The following LHFPL3 variants were observed in gnomAD, a reference collection of about 807,000 sequenced individuals.
LHFPL3 encodes the protein LHFPL tetraspan subfamily member 3, also known as LHFPL tetraspan subfamily member 3 protein.
A neutral mutation model predicts 19.3 loss-of-function variants in LHFPL3; 5 were observed. The observed-to-expected ratio is 0.26, with a 90% confidence interval of 0.14 to 0.54. The LOEUF is 0.54. Among genes scored for constraint, LHFPL3 ranks in the 20% least tolerant of loss-of-function variants. The probability of loss-of-function intolerance (pLI) is 0.94; values close to 1 mark genes in which losing one functional copy is unlikely to be tolerated. For synonymous variants in LHFPL3, 133 were observed against 126.2 expected (o/e 1.05, Z -0.36); for missense variants, 249 against 307.4 (o/e 0.81, Z 1.42).
chr7:104,343,666 C>T (rs1307450972), intron 1 of LHFPL3, among the ~76,000 whole-genome samples: 5 of 151,478 alleles, frequency 3.3e-5, no homozygotes, highest in South Asian at 2.1e-4. Flanking sequence ...CAAAATGAAC[C>T]ATTGTCACTT....
chr7:104,753,838 T>C (rs1196365605), intron 2 of LHFPL3, among the ~76,000 whole-genome samples: 2 of 152,096 alleles, frequency 1.3e-5, no homozygotes, highest in Non-Finnish European at 2.9e-5. Flanking sequence ...GTTAAAACAG[T>C]GAGTTATCGG....
At chr7:104,507,181 G>A (rs1158097922) in intron 1 of LHFPL3, among the ~76,000 whole-genome samples, 2 of 151,922 alleles carry the variant, frequency 1.3e-5, no homozygotes, top group African/African-American at 4.8e-5. Context: ...CAAAGCTGGA[G>A]GCATCACACT....
At chr7:104,634,204 T>C (rs983264198) in intron 1 of LHFPL3, among the ~76,000 whole-genome samples, 9 of 152,182 alleles carry the variant, frequency 5.9e-5, no homozygotes, top group African/African-American at 1.9e-4. Context: ...CAGGCTGCCA[T>C]AGCAAATACC....
intron 1 of LHFPL3, among the ~76,000 whole-genome samples, chr7:104,558,925 A>AT (rs1218275855): frequency 6.8e-6 from 1 of 146,994 alleles, no homozygotes; most frequent in African/African-American, 2.6e-5. Context: ...AGCACCATTT[A>AT]TTAAATAGGG....
Position 104,425,000 on chromosome 7 carries a change from AAAAAAG to A in LHFPL3, c.445+95779_445+95784del, listed in dbSNP as rs1488733962. On this transcript the variant is annotated intron_variant, in intron 1 of 2. Coordinates refer to ENST00000424859, the MANE Select transcript of LHFPL3 (RefSeq NM_199000.3). ...CCATCTCATAAAAAAAAAAAAAAAAAAAAAAGAAGTATCTGACTCAAAATGTCAGTT... is the reference window on the plus strand; with the variant it reads ...CCATCTCATAAAAAAAAAAAAAAAAAAAGTATCTGACTCAAAATGTCAGTT... Among the ~76,000 whole-genome samples the A allele has an allele frequency of 1.7e-3, 252 of 150,844 alleles. 3 individuals carry two copies. Among genetic ancestry groups the A allele is most frequent in the African/African-American group, 6.0e-3 (245 of 40,764 alleles).
chr7:104,878,491 C>T (rs1791990063), intron 2 of LHFPL3, among the ~76,000 whole-genome samples: 1 of 152,106 alleles, frequency 6.6e-6, no homozygotes, highest in Non-Finnish European at 1.5e-5. Flanking sequence ...AAACCGCACC[C>T]ATATAAGATG....
intron 2 of LHFPL3, among the ~76,000 whole-genome samples, chr7:104,807,011 A>ATATG (rs1377044318): frequency 0.12 from 16,829 of 139,420 alleles, 1,088 homozygotes; most frequent in East Asian, 0.21. Flanking sequence ...CAAAATATAT[A>ATATG]TGTGTGTGTG....
At chr7:104,516,516 TTTGA>T (rs1230190555) in intron 1 of LHFPL3, among the ~76,000 whole-genome samples, 4 of 152,168 alleles carry the variant, frequency 2.6e-5, no homozygotes, top group Non-Finnish European at 4.4e-5. Flanking sequence ...AATTAATTAA[TTTGA>T]TTGGTTGATT....
intron 2 of LHFPL3, among the ~76,000 whole-genome samples, chr7:104,872,344 A>C (rs1791853616): frequency 6.7e-6 from 1 of 148,856 alleles, no homozygotes; most frequent in Admixed American, 6.7e-5. Context: ...CTCAAACAAA[A>C]AAAAAAAAGT....
chr7:104,741,996 C>A (rs1793945226), intron 2 of LHFPL3, among the ~76,000 whole-genome samples: 1 of 152,178 alleles, frequency 6.6e-6, no homozygotes, highest in Non-Finnish European at 1.5e-5. Flanking sequence ...AGCATGATTT[C>A]TAAATGAGCC....
intron 1 of LHFPL3, among the ~76,000 whole-genome samples, chr7:104,596,425 A>G (rs771534858): frequency 1.3e-5 from 2 of 152,210 alleles, no homozygotes; most frequent in Non-Finnish European, 2.9e-5. Flanking sequence ...GAAGATGTGG[A>G]TAAATCTCTT....
chr7:104,737,749 T>G (rs1394263796), intron 2 of LHFPL3, among the ~76,000 whole-genome samples: 1 of 152,236 alleles, frequency 6.6e-6, no homozygotes, highest in African/African-American at 2.4e-5. Context: ...ACTTTAAAAC[T>G]GTGCACTTAC....
intron 1 of LHFPL3, among the ~76,000 whole-genome samples, chr7:104,691,439 C>G (rs140620358): frequency 1.3e-3 from 194 of 152,310 alleles, no homozygotes; most frequent in African/African-American, 4.5e-3. Flanking sequence ...CAGGCACAAC[C>G]AGAAAGTGGA....
chr7:104,691,166 C>T (rs747921396), intron 1 of LHFPL3, among the ~76,000 whole-genome samples: 4 of 152,210 alleles, frequency 2.6e-5, no homozygotes, highest in Non-Finnish European at 5.9e-5. Flanking sequence ...TGCTTTCTCA[C>T]CCATCTAGCC....
In LHFPL3 at chr7:104,363,137, C is replaced by T. The variant is rs541878310; in HGVS notation, c.445+33913C>T. Reference sequence around the variant, plus strand: ...CAAGGGAGAAGGGAGTTTGTTTTGGCGACTGTTATCACCTTTGTTTAAAAG... The same window carrying T: ...CAAGGGAGAAGGGAGTTTGTTTTGGTGACTGTTATCACCTTTGTTTAAAAG... On this transcript the variant is annotated intron_variant, in intron 1 of 2. Coordinates refer to ENST00000424859, the MANE Select transcript of LHFPL3 (RefSeq NM_199000.3). 4.6e-5 allele frequency among the ~76,000 whole-genome samples: 7 copies of T among 152,230 alleles called. 1 individual carries two copies. Among genetic ancestry groups the T allele is most frequent in the Admixed American group, 1.3e-4 (2 of 15,290 alleles).
At chr7:104,544,338 G>A (rs189131590) in intron 1 of LHFPL3, among the ~76,000 whole-genome samples, 6 of 152,240 alleles carry the variant, frequency 3.9e-5, no homozygotes, top group African/African-American at 1.4e-4. Context: ...AGCCATCTCA[G>A]GATATAAGCT....
chr7:104,660,456 G>A (rs905694554), intron 1 of LHFPL3, among the ~76,000 whole-genome samples: 24 of 152,200 alleles, frequency 1.6e-4, no homozygotes, highest in Admixed American at 1.6e-3. Context: ...TCTGCATGGG[G>A]GAAAGCATTA....
chr7:104,335,107 G>A (rs1789768443), intron 1 of LHFPL3, among the ~76,000 whole-genome samples: 1 of 152,162 alleles, frequency 6.6e-6, no homozygotes, highest in African/African-American at 2.4e-5. Context: ...GTGCTCTGAA[G>A]AGGGGACAGA....
At chr7:104,649,698 G>T (rs144079265) in intron 1 of LHFPL3, among the ~76,000 whole-genome samples, 1 of 152,294 alleles carries the variant, frequency 6.6e-6, no homozygotes, top group East Asian at 1.9e-4. Flanking sequence ...GGAGAGGGAA[G>T]GATTTGTGTG....
Sources: allele counts gnomAD v4.1 joint callset (sites outside exome capture counted in the v4.1 genomes callset), GRCh38; gene constraint gnomAD v4.1.1; transcripts MANE v1.5; gene names NCBI Gene and HGNC (gene_info 2026-07-23, HGNC 2026-07-21).